Variants in KIRREL3 observed in about 807,000 individuals in gnomAD.
KIRREL3 encodes the protein kin of IRRE-like protein 3.
KIRREL3 carries 36 observed loss-of-function variants against 89.7 expected under a neutral mutation model. That is an observed-to-expected ratio of 0.40 (90% confidence interval 0.31 to 0.53). The LOEUF is 0.53. KIRREL3 is among the 20% of genes least tolerant of loss of function. KIRREL3 has a pLI of 0.49. For missense variants in KIRREL3, 864 were observed against 1,056.6 expected, an observed-to-expected ratio of 0.82 and a Z score of 2.53; for synonymous variants, 445 against 441.4, an observed-to-expected ratio of 1.01 and a Z score of -0.10.
rs140971013 is a variant in KIRREL3 at position 126,682,862 on chromosome 11, C to T, written c.56-119950G>A. Reference sequence around the variant, plus strand: ...CCTAACAGGCTGAGGACCGGTACCCCGGGGCTGGGGATCCCTGTTCTATGA... The same window carrying T: ...CCTAACAGGCTGAGGACCGGTACCCTGGGGCTGGGGATCCCTGTTCTATGA... On this transcript the variant is annotated intron_variant, in intron 1 of 16. Coordinates refer to ENST00000525144, the MANE Select transcript of KIRREL3 (RefSeq NM_032531.4). The surrounding 1 kb of genome is among the most constrained non-coding windows in gnomAD (Gnocchi z 4.8). Among the ~76,000 whole-genome samples, 7 of 152,222 alleles carry T rather than the reference C, an allele frequency of 4.6e-5. No individual in the cohort carries two copies. Among genetic ancestry groups the T allele is most frequent in the Admixed American group, 2.0e-4 (3 of 15,304 alleles).
At position 126,431,189 on chromosome 11, in the gene KIRREL3, TGAA is replaced by T; in HGVS notation, c.1696+227_1696+229del. On this transcript the variant is annotated intron_variant, in intron 14 of 16. Transcript: ENST00000525144. This position sits in a 1 kb window ranked among gnomAD's most constrained non-coding sequence, Gnocchi z 7.1. Reference sequence around the variant, plus strand: ...TCCAAAATGCTGGCTGCCCTGCAGATGAAGTTCAGTCTAGTCCAGGTCAACCTC... The same window carrying T: ...TCCAAAATGCTGGCTGCCCTGCAGATGTTCAGTCTAGTCCAGGTCAACCTC... 1.4e-6 allele frequency: 2 copies of T among 1,462,930 alleles called. No individual in the cohort carries two copies. The highest frequency in any genetic ancestry group is 2.8e-5 in the South Asian group (2 of 70,520). The allele number at this position is 1,462,930 out of a possible 1,614,324, so 90.6% of individuals were successfully genotyped here. A position where few individuals can be genotyped will look rare whatever the true frequency, so the allele number is the denominator to read the frequency against.
rs1343997054 is a variant in KIRREL3, at chr11:126,699,918, ACAT to A, written c.56-137009_56-137007del. Among the ~76,000 whole-genome samples the A allele has an allele frequency of 4.6e-5, 7 of 152,314 alleles. No homozygotes were observed. In the Middle Eastern group the frequency reaches 0.014, roughly 296 times the overall value. ...ATCAGATAAATAAAAATAAGGCCGGACATGGAGGCTCATGTGTGTAATCCCAAC... is the reference window on the plus strand; with the variant it reads ...ATCAGATAAATAAAAATAAGGCCGGAGGAGGCTCATGTGTGTAATCCCAAC... On this transcript the variant is annotated intron_variant, in intron 1 of 16. Coordinates refer to ENST00000525144, the MANE Select transcript of KIRREL3 (RefSeq NM_032531.4).
intron 2 of KIRREL3, among the ~76,000 whole-genome samples, chr11:126,532,749 T>C (rs1242469121): frequency 6.6e-6 from 1 of 152,192 alleles, no homozygotes; most frequent in Non-Finnish European, 1.5e-5. Flanking sequence ...AGTTTCTGTG[T>C]GTAGGCTCCT....
Position 126,423,688 on chromosome 11 carries a change from A to C in KIRREL3, c.*892T>G, listed in dbSNP as rs1165023455. The C allele has an allele frequency of 2.6e-5, 4 of 151,740 alleles. No individual in the cohort carries two copies. The highest frequency in any genetic ancestry group is 9.7e-5 in the African/African-American group (4 of 41,250). 9.4% of individuals were successfully genotyped at this position (151,740 alleles called of 1,614,324 possible). A position where few individuals can be genotyped will look rare whatever the true frequency, so the allele number is the denominator to read the frequency against. On this transcript the variant is annotated 3_prime_UTR_variant, in exon 17 of 17. Coordinates refer to ENST00000525144, the MANE Select transcript of KIRREL3 (RefSeq NM_032531.4). ...TCAAACGCCACACTTCCCAGGAAGC[A>C]CTCTCTCCATAAGTGTTCAGAGAAC...
At chr11:126,667,209 T>G (rs549177391) in intron 1 of KIRREL3, among the ~76,000 whole-genome samples, 2 of 152,326 alleles carry the variant, frequency 1.3e-5, no homozygotes, top group Non-Finnish European at 2.9e-5. Flanking sequence ...ACTAATGAAT[T>G]CAATCGCAGC....
rs1029110905 is a variant in KIRREL3, at chr11:126,891,610, C to G, written c.55+108845G>C. On this transcript the variant is annotated intron_variant, in intron 1 of 16. Transcript: ENST00000525144. This position sits in a 1 kb window ranked among gnomAD's most constrained non-coding sequence, Gnocchi z 5.1. The stretch of plus-strand genomic sequence containing the variant: ...ACTGTCAGGGAGCAAACGGCAGAAG[C>G]CAGTCTCAGGGAAGCCAGTGGCCTG... 6.6e-6 allele frequency among the ~76,000 whole-genome samples: 1 copy of G among 152,236 alleles called. No individual in the cohort carries two copies. Among genetic ancestry groups the G allele is most frequent in the African/African-American group, 2.4e-5 (1 of 41,456 alleles).
At position 126,612,820 on chromosome 11, in the gene KIRREL3, T is replaced by C. The variant is rs1943189160; in HGVS notation, c.56-49908A>G. Among the ~76,000 whole-genome samples the C allele has an allele frequency of 6.6e-6, 1 of 152,246 alleles. No homozygotes were observed. Among genetic ancestry groups the C allele is most frequent in the Non-Finnish European group, 1.5e-5 (1 of 68,046 alleles). ...AGTTGCCACATGCATCAGTACTTTA[T>C]TCCTTTGTATGGGTGAGTAACATTC... On this transcript the variant is annotated intron_variant, in intron 1 of 16. Transcript: ENST00000525144. This position sits in a 1 kb window ranked among gnomAD's most constrained non-coding sequence, Gnocchi z 4.5.
At position 126,496,440 on chromosome 11, in the gene KIRREL3, G is replaced by A. The variant is rs922947681; in HGVS notation, c.434-22974C>T. Among the ~76,000 whole-genome samples, 1 of 152,096 alleles carries A rather than the reference G, an allele frequency of 6.6e-6. No homozygotes were observed. The highest frequency in any genetic ancestry group is 1.5e-5 in the Non-Finnish European group (1 of 68,022). On this transcript the variant is annotated intron_variant, in intron 4 of 16. Coordinates refer to ENST00000525144, the MANE Select transcript of KIRREL3 (RefSeq NM_032531.4). The surrounding 1 kb of genome is among the most constrained non-coding windows in gnomAD (Gnocchi z 4.9). ...GAAAAATGAAAGGGCCAGTCTTAGG[G>A]CCTAGGAATTCCCATGATAAGTTCA...
rs1211633741 is a variant in KIRREL3, at chr11:126,682,827, T to C, written c.56-119915A>G. 6.6e-6 allele frequency among the ~76,000 whole-genome samples: 1 copy of C among 152,194 alleles called. No individual in the cohort carries two copies. The highest frequency in any genetic ancestry group is 1.5e-5 in the Non-Finnish European group (1 of 68,048). ...CACCTGCCGCTCACCTCCTGCTGTG[T>C]AGTCTGGTTCCTAACAGGCTGAGGA... On this transcript the variant is annotated intron_variant, in intron 1 of 16. Transcript: ENST00000525144. This position sits in a 1 kb window ranked among gnomAD's most constrained non-coding sequence, Gnocchi z 4.8.
chr11:126,925,933 G>A (rs1947695139), intron 1 of KIRREL3, among the ~76,000 whole-genome samples: 1 of 152,186 alleles, frequency 6.6e-6, no homozygotes, highest in Admixed American at 6.5e-5. Flanking sequence ...AGACACCCCC[G>A]GATCTGAGAC....
intron 1 of KIRREL3, among the ~76,000 whole-genome samples, chr11:126,708,000 C>T (rs1266684524): frequency 2.0e-5 from 3 of 152,098 alleles, no homozygotes; most frequent in Non-Finnish European, 2.9e-5. Flanking sequence ...GGGGTCAAGT[C>T]GGTGGAGGGT....
intron 1 of KIRREL3, among the ~76,000 whole-genome samples, chr11:126,975,099 T>C (rs986013657): frequency 6.6e-6 from 1 of 152,038 alleles, no homozygotes; most frequent in African/African-American, 2.4e-5. Context: ...TGTGAGCCAC[T>C]GCGCCTGGCC....
rs1940524010 is a variant in KIRREL3 at position 126,566,419 on chromosome 11, T to C, written c.56-3507A>G. On this transcript the variant is annotated intron_variant, in intron 1 of 16. Transcript: ENST00000525144. This position sits in a 1 kb window ranked among gnomAD's most constrained non-coding sequence, Gnocchi z 4.9. ...TCTGAGCCCGTAGGACCAAGCACAG[T>C]GCCTGACACATGGTAAGTGCTCAGG... 6.6e-6 allele frequency among the ~76,000 whole-genome samples: 1 copy of C among 152,178 alleles called. No individual in the cohort carries two copies. The highest frequency in any genetic ancestry group is 6.5e-5 in the Admixed American group (1 of 15,274).
At position 126,522,517 on chromosome 11, in the gene KIRREL3, T is replaced by C. The variant is rs767342352; in HGVS notation, c.284-1053A>G. Among the ~76,000 whole-genome samples the C allele has an allele frequency of 1.3e-5, 2 of 152,132 alleles. No individual in the cohort carries two copies. Among genetic ancestry groups the C allele is most frequent in the African/African-American group, 2.4e-5 (1 of 41,436 alleles). Reference sequence around the variant, plus strand: ...ATGAAGTGCTCAGGACGCTTAAGAATTGGGGGCCCCTTGTACCATGGGCAA... The same window carrying C: ...ATGAAGTGCTCAGGACGCTTAAGAACTGGGGGCCCCTTGTACCATGGGCAA... On this transcript the variant is annotated intron_variant, in intron 3 of 16. Coordinates refer to ENST00000525144, the MANE Select transcript of KIRREL3 (RefSeq NM_032531.4). The surrounding 1 kb of genome is among the most constrained non-coding windows in gnomAD (Gnocchi z 6.0).
rs374355794 is a variant in KIRREL3 at position 126,795,096 on chromosome 11, T to A, written c.55+205359A>T. Among the ~76,000 whole-genome samples the A allele has an allele frequency of 2.0e-5, 3 of 152,118 alleles. No homozygotes were observed. Among genetic ancestry groups the A allele is most frequent in the African/African-American group, 4.8e-5 (2 of 41,432 alleles). ...TTGGGCAGGAGGAGGAGGAGAGAGA[T>A]GAATTGTGGAGCACAGGTGTTTGTT... On this transcript the variant is annotated intron_variant, in intron 1 of 16. Transcript: ENST00000525144. The surrounding 1 kb of genome is among the most constrained non-coding windows in gnomAD (Gnocchi z 4.1).
In KIRREL3 at chr11:126,562,375, T is replaced by C. The variant is rs1940192004; in HGVS notation, c.133+460A>G. Among the ~76,000 whole-genome samples, 1 of 152,116 alleles carries C rather than the reference T, an allele frequency of 6.6e-6. No homozygotes were observed. Among genetic ancestry groups the C allele is most frequent in the Non-Finnish European group, 1.5e-5 (1 of 68,012 alleles). ...GGGCAGGTTTCCTAGGGTAAGTTCT[T>C]TGGGAATAAAGACATTGCCATATTC... is the stretch of plus-strand genomic sequence containing the variant. On this transcript the variant is annotated intron_variant, in intron 2 of 16. Coordinates refer to ENST00000525144, the MANE Select transcript of KIRREL3 (RefSeq NM_032531.4). This position sits in a 1 kb window ranked among gnomAD's most constrained non-coding sequence, Gnocchi z 4.7.
chr11:126,789,354 C>A (rs1404629411), intron 1 of KIRREL3, among the ~76,000 whole-genome samples: 1 of 152,162 alleles, frequency 6.6e-6, no homozygotes, highest in South Asian at 2.1e-4. Context: ...TTCTTCCTTC[C>A]CTGGACCATT....
rs1947708220 is a variant in KIRREL3, at chr11:126,710,341, G to A, written c.56-147429C>T. ...AGAAGGGAGATAGCTAGCTCAGTGT[G>A]GCACCCCATTCTTCCCATTGAGCCC... On this transcript the variant is annotated intron_variant, in intron 1 of 16. Coordinates refer to ENST00000525144, the MANE Select transcript of KIRREL3 (RefSeq NM_032531.4). The surrounding 1 kb of genome is among the most constrained non-coding windows in gnomAD (Gnocchi z 4.2). Among the ~76,000 whole-genome samples the A allele has an allele frequency of 6.6e-6, 1 of 152,116 alleles. No homozygotes were observed. The highest frequency in any genetic ancestry group is 2.1e-4 in the South Asian group (1 of 4,824).
chr11:126,727,035 A>C (rs1446079048), intron 1 of KIRREL3, among the ~76,000 whole-genome samples: 1 of 152,134 alleles, frequency 6.6e-6, no homozygotes, highest in Non-Finnish European at 1.5e-5. Flanking sequence ...ACCTTCACTC[A>C]TCTAGATACA....
Sources: allele counts gnomAD v4.1 joint callset (sites outside exome capture counted in the v4.1 genomes callset), GRCh38; gene constraint gnomAD v4.1.1; non-coding constraint Gnocchi (gnomAD v3.1); transcripts MANE v1.5; gene names NCBI Gene and HGNC (gene_info 2026-07-23, HGNC 2026-07-21).